The following MDGA2 variants were observed in gnomAD, a reference collection of about 807,000 sequenced individuals.
MDGA2 encodes the protein MAM domain containing glycosylphosphatidylinositol anchor 2.
Under a neutral mutation model 117.8 loss-of-function variants are expected in MDGA2, and 40 were observed. That is an observed-to-expected ratio of 0.34 (90% CI 0.26 to 0.44). The LOEUF is 0.44. Ranked by LOEUF, MDGA2 falls within the 20% of genes least tolerant of loss-of-function variation. MDGA2 has a pLI of 1.00. For missense variants in MDGA2, 1,123 were observed against 1,250.6 expected, an observed-to-expected ratio of 0.90 and a Z score of 1.54; for synonymous variants, 452 against 439.0, an observed-to-expected ratio of 1.03 and a Z score of -0.37.
intron 1 of MDGA2, among the ~76,000 whole-genome samples, chr14:47,369,342 T>C (rs1321865197): frequency 6.6e-6 from 1 of 152,160 alleles, no homozygotes; most frequent in Non-Finnish European, 1.5e-5. Flanking sequence ...ATGAAGATCT[T>C]TGTACATATA....
At chr14:47,634,577 G>GT (rs1242857250) in intron 1 of MDGA2, among the ~76,000 whole-genome samples, 1 of 151,886 alleles carries the variant, frequency 6.6e-6, no homozygotes, top group Non-Finnish European at 1.5e-5. Flanking sequence ...AAACAAAACT[G>GT]TTTTTTCTTT....
chr14:47,562,683 C>T (rs1895839637), intron 1 of MDGA2, among the ~76,000 whole-genome samples: 1 of 152,116 alleles, frequency 6.6e-6, no homozygotes, highest in Admixed American at 6.6e-5. Flanking sequence ...AAGCAAAGTC[C>T]TGAATTTGTT....
chr14:47,107,589 A>G (rs1880783281), intron 5 of MDGA2, among the ~76,000 whole-genome samples: 1 of 151,608 alleles, frequency 6.6e-6, no homozygotes, highest in Non-Finnish European at 1.5e-5. Flanking sequence ...ATCAAGCCCA[A>G]ATTTCTTCCT....
intron 2 of MDGA2, among the ~76,000 whole-genome samples, chr14:47,228,928 C>G (rs1034518874): frequency 6.6e-6 from 1 of 152,072 alleles, no homozygotes; most frequent in African/African-American, 2.4e-5. Flanking sequence ...CTTAGGCACC[C>G]TCTGCCCAAT....
chr14:46,844,950 T>C (rs561834265), intron 16 of MDGA2, among the ~76,000 whole-genome samples: 8 of 152,146 alleles, frequency 5.3e-5, no homozygotes, highest in African/African-American at 1.7e-4. Flanking sequence ...GGCGTGATCT[T>C]GGCTCACTGC....
At chr14:46,893,695 C>A (rs1198749446) in intron 10 of MDGA2, among the ~76,000 whole-genome samples, 7 of 151,886 alleles carry the variant, frequency 4.6e-5, no homozygotes, top group Non-Finnish European at 1.0e-4. Context: ...CATTTTAATA[C>A]TACAAATTTC....
intron 1 of MDGA2, among the ~76,000 whole-genome samples, chr14:47,609,466 A>ATATATATATAT (rs1566539792): frequency 1.5e-3 from 32 of 20,752 alleles, no homozygotes; most frequent in East Asian, 7.5e-3. Context: ...TATATATATA[A>ATATATATATAT]GTTTCTTTAT....
intron 1 of MDGA2, among the ~76,000 whole-genome samples, chr14:47,400,643 G>A (rs1892115150): frequency 6.7e-6 from 1 of 149,034 alleles, no homozygotes; most frequent in African/African-American, 2.5e-5. Context: ...CTGAGATCGT[G>A]CCACTGCACT....
intron 1 of MDGA2, among the ~76,000 whole-genome samples, chr14:47,657,215 C>A (rs1220739927): frequency 6.6e-6 from 1 of 152,062 alleles, no homozygotes; most frequent in African/African-American, 2.4e-5. Flanking sequence ...AAATTATTGG[C>A]CCACAGAATC....
intron 1 of MDGA2, among the ~76,000 whole-genome samples, chr14:47,539,237 C>T (rs1431636244): frequency 1.3e-5 from 2 of 152,188 alleles, no homozygotes; most frequent in African/African-American, 2.4e-5. Flanking sequence ...ACTGCATGCA[C>T]TGGGTGTGTG....
intron 1 of MDGA2, among the ~76,000 whole-genome samples, chr14:47,518,773 T>C (rs1894807649): frequency 6.6e-6 from 1 of 152,206 alleles, no homozygotes; most frequent in Non-Finnish European, 1.5e-5. Context: ...ATATAAAGTC[T>C]GGTGACACTA....
intron 7 of MDGA2, among the ~76,000 whole-genome samples, chr14:47,055,859 A>C (rs140468709): frequency 6.6e-6 from 1 of 152,254 alleles, no homozygotes; most frequent in African/African-American, 2.4e-5. Context: ...AAAGCTGAAA[A>C]TATTTACTAT....
intron 1 of MDGA2, among the ~76,000 whole-genome samples, chr14:47,514,020 C>T (rs1334119138): frequency 2.0e-5 from 3 of 152,060 alleles, no homozygotes; most frequent in Non-Finnish European, 2.9e-5. Context: ...GTAGTGACAC[C>T]GGAGTGGGGA....
chr14:47,029,754 C>G (rs1327734340), intron 8 of MDGA2, among the ~76,000 whole-genome samples: 2 of 151,998 alleles, frequency 1.3e-5, no homozygotes, highest in African/African-American at 4.8e-5. Context: ...TGTAAGTATA[C>G]TTATATAATA....
intron 1 of MDGA2, among the ~76,000 whole-genome samples, chr14:47,513,260 ACTTT>A (rs1311604837): frequency 6.6e-5 from 10 of 152,288 alleles, no homozygotes; most frequent in South Asian, 2.1e-4. Context: ...TTTATTGAAG[ACTTT>A]CTTTCATTTT....
At chr14:47,033,593 CTG>C (rs1888738243) in intron 8 of MDGA2, among the ~76,000 whole-genome samples, 1 of 152,116 alleles carries the variant, frequency 6.6e-6, no homozygotes, top group South Asian at 2.1e-4. Context: ...CATGAACAGA[CTG>C]TCATGAGTAT....
Position 46,841,199 on chromosome 14 carries a change from C to T in MDGA2, c.*732G>A, listed in dbSNP as rs1880596157. 6.6e-6 allele frequency: 1 copy of T among 152,510 alleles called. No individual in the cohort carries two copies. Among genetic ancestry groups the T allele is most frequent in the South Asian group, 2.1e-4 (1 of 4,830 alleles). The allele number at this position is 152,510 out of a possible 1,614,324, so 9.4% of individuals were successfully genotyped here. A position where few individuals can be genotyped will look rare whatever the true frequency, so the allele number is the denominator to read the frequency against. On this transcript the variant is annotated 3_prime_UTR_variant, in exon 17 of 17. Transcript: ENST00000399232. ...CGTAGTTTGGGTGTTCAAGTGGCCG[C>T]AAGCAAACTCCGATAAGCCTGTGTA...
intron 3 of MDGA2, among the ~76,000 whole-genome samples, chr14:47,150,787 G>GCCT (rs1883131316): frequency 6.6e-6 from 1 of 152,046 alleles, no homozygotes; most frequent in Non-Finnish European, 1.5e-5. Flanking sequence ...AGCTGGACAT[G>GCCT]GTGGTGCATG....
At chr14:47,213,922 T>TCG (rs1885981824) in intron 3 of MDGA2, among the ~76,000 whole-genome samples, 1 of 152,150 alleles carries the variant, frequency 6.6e-6, no homozygotes, top group African/African-American at 2.4e-5. Flanking sequence ...GGCACCTTCT[T>TCG]CGCAAGTCGG....
Sources: gnomAD v4.1 joint callset for allele counts (sites outside exome capture counted in the v4.1 genomes callset) on GRCh38, gnomAD v4.1.1 for gene constraint, MANE v1.5 for transcripts, NCBI Gene and HGNC (gene_info 2026-07-23, HGNC 2026-07-21) for gene names.